The following ARHGAP10 variants were observed in gnomAD, a reference collection of about 807,000 sequenced individuals.
ARHGAP10 encodes Rho GTPase activating protein 10.
Under a neutral mutation model 108.6 loss-of-function variants are expected in ARHGAP10, and 87 were observed. That is an observed-to-expected ratio of 0.80 (90% confidence interval 0.67 to 0.96). The LOEUF (loss-of-function observed/expected upper bound fraction) is 0.96, where lower values mean the gene tolerates loss of function less well. Among genes scored for constraint, ARHGAP10 ranks in the 40% least tolerant of loss-of-function variants. The pLI is 0.00. For synonymous variants in ARHGAP10, 347 were observed against 341.1 expected, an observed-to-expected ratio of 1.02 and a Z score of -0.19; for missense variants, 939 against 954.5, an observed-to-expected ratio of 0.98 and a Z score of 0.21.
chr4:147,912,511 C>A (rs1304205504), intron 12 of ARHGAP10, among the ~76,000 whole-genome samples: 22 of 143,058 alleles, frequency 1.5e-4, no homozygotes, highest in African/African-American at 4.6e-4. Flanking sequence ...AGTAAGACTC[C>A]CTCTCAAAAC....
intron 10 of ARHGAP10, among the ~76,000 whole-genome samples, chr4:147,884,677 G>A (rs1425823106): frequency 1.3e-5 from 2 of 152,158 alleles, no homozygotes; most frequent in East Asian, 3.9e-4. Flanking sequence ...AGGGTTATCT[G>A]GAGTCAGCTG....
chr4:148,001,408 G>A (rs1740713694), intron 18 of ARHGAP10, among the ~76,000 whole-genome samples: 1 of 152,064 alleles, frequency 6.6e-6, no homozygotes, highest in South Asian at 2.1e-4. Flanking sequence ...CCCTTTTTTG[G>A]TTCCATATGA....
intron 10 of ARHGAP10, among the ~76,000 whole-genome samples, chr4:147,886,145 G>A (rs1201989532): frequency 1.3e-5 from 2 of 152,192 alleles, no homozygotes; most frequent in Non-Finnish European, 2.9e-5. Context: ...CATTTCGTAT[G>A]TGCAAATATT....
chr4:148,068,642 C>T (rs1730010265), intron 22 of ARHGAP10, among the ~76,000 whole-genome samples: 2 of 152,120 alleles, frequency 1.3e-5, no homozygotes, highest in Non-Finnish European at 2.9e-5. Context: ...TACCCATAGC[C>T]ATGGTAAGAT....
chr4:148,060,241 A>G (rs934179649), intron 20 of ARHGAP10, among the ~76,000 whole-genome samples: 21 of 151,906 alleles, frequency 1.4e-4, no homozygotes, highest in Admixed American at 1.3e-3. Flanking sequence ...AAATGTAGGT[A>G]TTACATTTTA....
At chr4:148,051,802 A>G (rs900981029) in intron 20 of ARHGAP10, among the ~76,000 whole-genome samples, 1 of 152,248 alleles carries the variant, frequency 6.6e-6, no homozygotes, top group African/African-American at 2.4e-5. Flanking sequence ...ATCACTAGAT[A>G]ACACCTTCCT....
At chr4:147,782,161 T>C (rs938444791) in intron 1 of ARHGAP10, among the ~76,000 whole-genome samples, 1 of 152,208 alleles carries the variant, frequency 6.6e-6, no homozygotes, top group Admixed American at 6.5e-5. Flanking sequence ...AGAGACTGAA[T>C]CATACTGAAT....
At chr4:147,771,128 A>G (rs750647928) in intron 1 of ARHGAP10, among the ~76,000 whole-genome samples, 3 of 152,026 alleles carry the variant, frequency 2.0e-5, no homozygotes, top group African/African-American at 7.3e-5. Flanking sequence ...AAGATCACTT[A>G]AGCCCAGGAG....
intron 1 of ARHGAP10, among the ~76,000 whole-genome samples, chr4:147,797,153 T>C (rs1049938587): frequency 6.6e-6 from 1 of 152,228 alleles, no homozygotes; most frequent in African/African-American, 2.4e-5. Flanking sequence ...TTCTCTCCTC[T>C]AGTGGCCTTT....
intron 18 of ARHGAP10, among the ~76,000 whole-genome samples, chr4:148,010,229 C>G (rs368389421): frequency 1.3e-5 from 2 of 152,052 alleles, no homozygotes; most frequent in African/African-American, 2.4e-5. Flanking sequence ...TTCCAGATAT[C>G]TCTGGTCTGG....
intron 20 of ARHGAP10, among the ~76,000 whole-genome samples, 182 bp downstream of exon 20, chr4:148,047,233 G>A (rs997162810): frequency 6.6e-6 from 1 of 152,178 alleles, no homozygotes; most frequent in Non-Finnish European, 1.5e-5. Flanking sequence ...CTTGAATACT[G>A]TCTGTGTTTC....
rs1729663841 is a variant in ARHGAP10, at chr4:147,763,336, A to G, written c.154+30881A>G. Among the ~76,000 whole-genome samples, 3 of 145,036 alleles carry G rather than the reference A, an allele frequency of 2.1e-5. No individual in the cohort carries two copies. The South Asian group carries it at 6.5e-4, about 31-fold the overall frequency. Reference sequence around the variant, plus strand: ...AATAGTTTTTTTTTTTTTTTTTGAGACAGTCTCGCTCTGTCGCCAGGCTGG... The same window carrying G: ...AATAGTTTTTTTTTTTTTTTTTGAGGCAGTCTCGCTCTGTCGCCAGGCTGG... On this transcript the variant is annotated intron_variant, in intron 1 of 22. Coordinates refer to ENST00000336498, the MANE Select transcript of ARHGAP10 (RefSeq NM_024605.4).
At chr4:147,870,928 CTG>C (rs57348496) in intron 7 of ARHGAP10, among the ~76,000 whole-genome samples, 8,681 of 138,782 alleles carry the variant, frequency 0.063, 258 homozygotes, top group Admixed American at 0.08. Context: ...AAACTACAGA[CTG>C]TGTGTGTGTG....
At chr4:147,740,666 CTCTG>C (rs1358857147) in intron 1 of ARHGAP10, among the ~76,000 whole-genome samples, 2 of 152,182 alleles carry the variant, frequency 1.3e-5, no homozygotes, top group Non-Finnish European at 2.9e-5. Flanking sequence ...CAGACCTCCA[CTCTG>C]TCTCTCTCAA....
At chr4:147,961,431 T>C (rs1285205664) in intron 16 of ARHGAP10, among the ~76,000 whole-genome samples, 5 of 152,180 alleles carry the variant, frequency 3.3e-5, no homozygotes, top group Admixed American at 1.3e-4. Flanking sequence ...TCTAATCTGA[T>C]TGCATGCTGT....
chr4:147,948,601 C>G (rs1044004034), intron 15 of ARHGAP10, among the ~76,000 whole-genome samples: 15 of 152,028 alleles, frequency 9.9e-5, no homozygotes, highest in African/African-American at 3.6e-4. Flanking sequence ...ATGCTGTGTC[C>G]TGTAGATAAA....
intron 14 of ARHGAP10, among the ~76,000 whole-genome samples, chr4:147,942,310 G>C (rs1180503545): frequency 6.6e-6 from 1 of 152,084 alleles, no homozygotes; most frequent in Non-Finnish European, 1.5e-5. Context: ...TTTGAGGAGA[G>C]CTGCCATTTA....
intron 15 of ARHGAP10, among the ~76,000 whole-genome samples, chr4:147,950,756 T>A (rs945712787): frequency 1.3e-5 from 2 of 151,358 alleles, no homozygotes; most frequent in East Asian, 1.9e-4. Flanking sequence ...GCCCTCTGAA[T>A]GATTTCTTAT....
intron 13 of ARHGAP10, among the ~76,000 whole-genome samples, chr4:147,926,118 T>TA (rs1459582718): frequency 6.6e-6 from 1 of 152,152 alleles, no homozygotes; most frequent in Non-Finnish European, 1.5e-5. Context: ...TGAGCAGTTG[T>TA]ATCCAGAGGG....
Sources: gnomAD v4.1 joint callset for allele counts (sites outside exome capture counted in the v4.1 genomes callset) on GRCh38, gnomAD v4.1.1 for gene constraint, MANE v1.5 for transcripts, NCBI Gene and HGNC (gene_info 2026-07-23, HGNC 2026-07-21) for gene names.